Variants in PRDM1 observed in about 807,000 individuals in gnomAD.
PRDM1 encodes PR/SET domain 1, also known as PR domain zinc finger protein 1.
PRDM1 carries 13 observed loss-of-function variants against 62.8 expected under a neutral mutation model. The ratio of observed to expected loss-of-function variants is 0.21; its 90% confidence interval spans 0.13 to 0.33. The LOEUF is 0.33. PRDM1 is among the 10% of genes least tolerant of loss of function. The pLI, the probability that PRDM1 is intolerant of heterozygous loss-of-function variation, is 1.00. For synonymous variants in PRDM1, 396 were observed against 417.6 expected, an observed-to-expected ratio of 0.95 and a Z score of 0.63; for missense variants, 895 against 1,058.8, an observed-to-expected ratio of 0.85 and a Z score of 2.15.
rs767275209 is a variant in PRDM1, at chr6:106,098,732, A to T, written c.412-568A>T. On this transcript the variant is annotated intron_variant, in intron 3 of 6. Coordinates refer to ENST00000369096, the MANE Select transcript of PRDM1 (RefSeq NM_001198.4). Reference sequence around the variant, plus strand: ...TGTTTCCACAAAAAGGCAAGGTTCCAAGTATTCATATGAACAAGTGTTACT... The same window carrying T: ...TGTTTCCACAAAAAGGCAAGGTTCCTAGTATTCATATGAACAAGTGTTACT... 793 of 1,416,164 alleles carry T rather than the reference A, an allele frequency of 5.6e-4. 1 individual carries two copies. Among genetic ancestry groups the T allele is most frequent in the Admixed American group, 8.6e-4 (40 of 46,756 alleles). 87.7% of individuals were successfully genotyped at this position (1,416,164 alleles called of 1,614,324 possible).
At chr6:106,024,012 C>T (rs574786779) in intron 1 of PRDM1, among the ~76,000 whole-genome samples, 8 of 152,038 alleles carry the variant, frequency 5.3e-5, no homozygotes, top group East Asian at 1.9e-4. Flanking sequence ...CATGGTAGCA[C>T]GCGCCTGTAG....
Position 106,106,422 on chromosome 6 carries a change from A to C in PRDM1, c.1825A>C (p.Asn609His). The change falls in exon 6 of 7, where the codon AAC (asparagine) becomes CAC (histidine). Residue 609 changes from asparagine (N) to histidine (H), a missense_variant. Physicochemically the swap from Asn to His is moderately conservative, Grantham distance 68. Around this residue, in one of 4 missense-constraint regions of PRDM1, gnomAD observed 74 missense variants for 172.4 expected, o/e 0.43. Transcript: ENST00000369096. The surrounding 1 kb of genome is among the most constrained non-coding windows in gnomAD (Gnocchi z 4.4). ...ACGGCCTTTCAAATGTCAGACTTGC[A>C]ACAAGGGCTTTACTCAGCTCGCCCA... is the stretch of plus-strand genomic sequence containing the variant. ...GERPFKCQTC[N>H]KGFTQLAHLQ... The C allele has an allele frequency of 6.2e-7, 1 of 1,614,184 alleles. No homozygotes were observed. The highest frequency in any genetic ancestry group is 1.1e-5 in the South Asian group (1 of 91,084).
Position 105,994,467 on chromosome 6 carries a change from G to A in PRDM1, c.-67+828G>A, listed in dbSNP as rs1772321648. On this transcript the variant is annotated intron_variant, in intron 1 of 6. Coordinates refer to the PRDM1 transcript ENST00000652320. This position sits in a 1 kb window ranked among gnomAD's most constrained non-coding sequence, Gnocchi z 4.1. The stretch of plus-strand genomic sequence containing the variant: ...AGCGCGGGGATAGCTTTTCTATTAC[G>A]TTTCTTGTTCTCCGAGCTCGAGCCC... Among the ~76,000 whole-genome samples the A allele has an allele frequency of 6.6e-6, 1 of 152,160 alleles. No individual in the cohort carries two copies. The highest frequency in any genetic ancestry group is 2.1e-4 in the South Asian group (1 of 4,830).
upstream of PRDM1, among the ~76,000 whole-genome samples, chr6:106,044,258 G>A (rs1397369584): frequency 6.9e-6 from 1 of 145,338 alleles, no homozygotes; most frequent in East Asian, 2.0e-4. Context: ...CTATGAGTCT[G>A]GCTGACAAGA....
chr6:105,993,375 C>A (rs1772306484), upstream of PRDM1, among the ~76,000 whole-genome samples: 1 of 152,186 alleles, frequency 6.6e-6, no homozygotes, highest in Admixed American at 6.5e-5. Flanking sequence ...GGGTAGGCAA[C>A]CCCCACCCCT....
upstream of PRDM1, among the ~76,000 whole-genome samples, chr6:106,047,623 C>T (rs1157290936): frequency 6.6e-6 from 1 of 152,232 alleles, no homozygotes; most frequent in Non-Finnish European, 1.5e-5. Flanking sequence ...TCATCCTTAT[C>T]TTCCTTATCA....
intron 1 of PRDM1, among the ~76,000 whole-genome samples, chr6:106,079,298 C>G (rs1773655274): frequency 1.3e-5 from 2 of 151,496 alleles, no homozygotes; most frequent in Admixed American, 1.3e-4. Context: ...ACTGTTAAAA[C>G]AAGGATCAGT....
chr6:106,069,449 T>A (rs998628598), intron 1 of PRDM1, among the ~76,000 whole-genome samples: 1 of 152,206 alleles, frequency 6.6e-6, no homozygotes, highest in African/African-American at 2.4e-5. Flanking sequence ...ATATATGGGC[T>A]TTTTCCTTTC....
At chr6:106,079,847 GA>G in intron 1 of PRDM1, among the ~76,000 whole-genome samples, 1 of 152,158 alleles carries the variant, frequency 6.6e-6, no homozygotes, top group East Asian at 1.9e-4. Flanking sequence ...ATGATGGTTG[GA>G]ATTGTTAATT....
chr6:106,078,062 T>C (rs1351198612), intron 1 of PRDM1, among the ~76,000 whole-genome samples: 1 of 152,208 alleles, frequency 6.6e-6, no homozygotes, highest in Non-Finnish European at 1.5e-5. Flanking sequence ...TTCAGCTTGT[T>C]CTCCTCTCTT....
At chr6:106,083,108 G>A (rs1353566882), upstream of PRDM1, among the ~76,000 whole-genome samples, 1 of 151,720 alleles carries the variant, frequency 6.6e-6, no homozygotes, top group African/African-American at 2.4e-5. Flanking sequence ...ATGTGGGAGG[G>A]CTTCAAAGCC....
intron 3 of PRDM1, chr6:106,098,454 C>A (rs555931636): frequency 2.0e-6 from 2 of 985,340 alleles, no homozygotes; most frequent in African/African-American, 1.7e-5. Context: ...TCTGCGTTGC[C>A]TTTAAGGAAC....
intron 1 of PRDM1, among the ~76,000 whole-genome samples, chr6:106,019,747 TCTC>T (rs1772670567): frequency 6.6e-6 from 1 of 151,306 alleles, no homozygotes; most frequent in Non-Finnish European, 1.5e-5. Context: ...TTCAAGCAAT[TCTC>T]CTGTCTCAGC....
At chr6:106,073,611 T>C (rs1384298220) in intron 1 of PRDM1, among the ~76,000 whole-genome samples, 1 of 152,254 alleles carries the variant, frequency 6.6e-6, no homozygotes, top group Non-Finnish European at 1.5e-5. Context: ...TATTTTATTA[T>C]TTAAATGTTA....
At position 106,056,306 on chromosome 6, in the gene PRDM1, G is replaced by A. The variant is rs556143249; in HGVS notation, c.-67+7592G>A. Among the ~76,000 whole-genome samples, 9 of 152,288 alleles carry A rather than the reference G, an allele frequency of 5.9e-5. 1 individual carries two copies. The South Asian group carries it at 1.9e-3, about 32-fold the overall frequency. On this transcript the variant is annotated intron_variant, in intron 1 of 6. Transcript: ENST00000651185. ...GCACTCACCCACAGATCCCTAAGAG[G>A]ATAAGGACAGTTTCTGGCCTTCTCA...
intron 1 of PRDM1, among the ~76,000 whole-genome samples, chr6:105,998,933 A>ATTTTTT (rs754830624): frequency 3.1e-4 from 2 of 6,402 alleles, no homozygotes; most frequent in South Asian, 6.2e-3. Flanking sequence ...ATATATATAT[A>ATTTTTT]TTTTTTTTTT....
intron 1 of PRDM1, among the ~76,000 whole-genome samples, chr6:106,075,938 G>GA (rs1773597348): frequency 6.7e-6 from 1 of 149,242 alleles, no homozygotes; most frequent in African/African-American, 2.5e-5. Context: ...TCACTACAGG[G>GA]AAAATTAAAA....
Position 106,107,542 on chromosome 6 carries a change from G to A in PRDM1, c.*56G>A. 2 of 1,472,344 alleles carry A rather than the reference G, an allele frequency of 1.4e-6. No homozygotes were observed. Among genetic ancestry groups the A allele is most frequent in the Non-Finnish European group, 1.8e-6 (2 of 1,090,624 alleles). 91.2% of individuals were successfully genotyped at this position (1,472,344 alleles called of 1,614,324 possible). A position where few individuals can be genotyped will look rare whatever the true frequency, so the allele number is the denominator to read the frequency against. On this transcript the variant is annotated 3_prime_UTR_variant, in exon 7 of 7. Transcript: ENST00000369096. ...AAGTTATGACTTGGTGAGTCAGGGT[G>A]CCTGTAGGAAGTGGCTTGTACATAA... is the stretch of plus-strand genomic sequence containing the variant.
intron 1 of PRDM1, among the ~76,000 whole-genome samples, chr6:106,053,522 T>C (rs1231234229): frequency 6.6e-6 from 1 of 152,170 alleles, no homozygotes; most frequent in Non-Finnish European, 1.5e-5. Flanking sequence ...TGTATTCTAA[T>C]AGAATACATA....
Sources: allele counts gnomAD v4.1 joint callset (sites outside exome capture counted in the v4.1 genomes callset), GRCh38; gene constraint gnomAD v4.1.1; regional missense constraint gnomAD v4.1.1; non-coding constraint Gnocchi (gnomAD v3.1); transcripts MANE v1.5; gene names NCBI Gene and HGNC (gene_info 2026-07-23, HGNC 2026-07-21).